LARGE1: variants seen among roughly 807,000 people sequenced by gnomAD.
The protein encoded by LARGE1 is LARGE xylosyl- and glucuronyltransferase 1.
LARGE1 carries 43 observed loss-of-function variants against 87.6 expected under a neutral mutation model. The observed-to-expected ratio is 0.49, with a 90% CI of 0.38 to 0.63. LARGE1 has a LOEUF of 0.63. LARGE1 is among the 30% of genes least tolerant of loss of function. The probability of loss-of-function intolerance (pLI) is 0.00; values close to 1 mark genes in which losing one functional copy is unlikely to be tolerated. For missense variants in LARGE1, 802 were observed against 1,000.2 expected, an observed-to-expected ratio of 0.80 and a Z score of 2.67; for synonymous variants, 434 against 394.6, an observed-to-expected ratio of 1.10 and a Z score of -1.18.
At chr22:33,821,952 GTTTTTT>G in intron 1 of LARGE1, among the ~76,000 whole-genome samples, 1 of 137,696 alleles carries the variant, frequency 7.3e-6, no homozygotes, top group East Asian at 2.1e-4. Context: ...ACTTTTTTAG[GTTTTTT>G]TTTTTTTTTT....
intron 1 of LARGE1, among the ~76,000 whole-genome samples, chr22:33,819,293 T>C: frequency 6.6e-6 from 1 of 152,158 alleles, no homozygotes; most frequent in East Asian, 1.9e-4. Context: ...GCTAATATTC[T>C]ACAAAGTTCA....
At chr22:33,552,274 T>C (rs920326023) in intron 6 of LARGE1, among the ~76,000 whole-genome samples, 15 of 152,286 alleles carry the variant, frequency 9.8e-5, no homozygotes, top group African/African-American at 3.6e-4. Context: ...TATTTCTTCC[T>C]GATATTCTCA....
chr22:33,751,196 T>G (rs879614332), intron 2 of LARGE1, among the ~76,000 whole-genome samples: 11 of 152,144 alleles, frequency 7.2e-5, no homozygotes, highest in Non-Finnish European at 1.5e-4. Context: ...AAATTAAAAT[T>G]AAGGCTGGGC....
At chr22:33,558,971 C>G (rs1366531434) in intron 6 of LARGE1, among the ~76,000 whole-genome samples, 1 of 152,220 alleles carries the variant, frequency 6.6e-6, no homozygotes, top group African/African-American at 2.4e-5. Flanking sequence ...ACAATTCTCA[C>G]AAAGACCCCG....
chr22:33,410,857 A>G (rs2066284066), intron 7 of LARGE1, among the ~76,000 whole-genome samples: 1 of 152,110 alleles, frequency 6.6e-6, no homozygotes, highest in African/African-American at 2.4e-5. Context: ...GTAGAATGGG[A>G]ATTATATGAG....
chr22:33,826,678 G>C (rs972371420), intron 1 of LARGE1, among the ~76,000 whole-genome samples: 1 of 151,966 alleles, frequency 6.6e-6, no homozygotes, highest in Non-Finnish European at 1.5e-5. Context: ...ATTGCCTTTA[G>C]TACCCACCTG....
At chr22:33,821,627 A>T (rs1222733447) in intron 1 of LARGE1, among the ~76,000 whole-genome samples, 2 of 152,202 alleles carry the variant, frequency 1.3e-5, no homozygotes, top group Non-Finnish European at 2.9e-5. Flanking sequence ...AGTGGAGGTA[A>T]CAGGCAAGTC....
At chr22:33,110,022 G>A in the LARGE1 span, among the ~76,000 whole-genome samples, 1 of 152,204 alleles carries the variant, frequency 6.6e-6, no homozygotes, top group Non-Finnish European at 1.5e-5. Context: ...GCAATGCAAA[G>A]TGAACTAACA....
At chr22:33,271,495 TC>T (rs1351346840), downstream of LARGE1, among the ~76,000 whole-genome samples, 1 of 152,198 alleles carries the variant, frequency 6.6e-6, no homozygotes, top group East Asian at 1.9e-4. Context: ...TCAGTTCCCC[TC>T]CACACTGACT....
intron 7 of LARGE1, among the ~76,000 whole-genome samples, chr22:33,419,850 C>T (rs1288774376): frequency 1.3e-5 from 2 of 152,158 alleles, no homozygotes; most frequent in Non-Finnish European, 2.9e-5. Context: ...ACCACCATCA[C>T]ACCCAGCTAA....
At chr22:33,465,796 G>A (rs952532131) in intron 6 of LARGE1, among the ~76,000 whole-genome samples, 2 of 152,216 alleles carry the variant, frequency 1.3e-5, no homozygotes, top group Non-Finnish European at 1.5e-5. Flanking sequence ...TCCTCCTAGT[G>A]TGGCTCACAA....
chr22:33,789,507 T>G lies in LARGE1; in HGVS notation c.-82-27949A>C, dbSNP rs538016688. Among the ~76,000 whole-genome samples, 4 of 152,252 alleles carry G rather than the reference T, an allele frequency of 2.6e-5. No homozygotes were observed. In the South Asian group the frequency reaches 8.3e-4, roughly 32 times the overall value. ...CTGTGAGAAGAGGGCCACTGTCCTT[T>G]AGACCCTAGAATGGTAGATCCAGCA... On this transcript the variant is annotated intron_variant, in intron 1 of 14. Transcript: ENST00000397394.
At chr22:33,295,718 G>A (rs967643864) in intron 12 of LARGE1, among the ~76,000 whole-genome samples, 1 of 152,194 alleles carries the variant, frequency 6.6e-6, no homozygotes. Flanking sequence ...TGGCTTCCAG[G>A]AGCTTTGTGG....
intron 6 of LARGE1, among the ~76,000 whole-genome samples, chr22:33,499,344 A>G (rs1212744778): frequency 6.6e-6 from 1 of 152,214 alleles, no homozygotes; most frequent in Non-Finnish European, 1.5e-5. Context: ...TGTTCAAAGT[A>G]TGGGCCCTGT....
At chr22:33,201,746 G>A (rs1924407052) in intron 11 of LARGE1, among the ~76,000 whole-genome samples, 1 of 152,178 alleles carries the variant, frequency 6.6e-6, no homozygotes, top group African/African-American at 2.4e-5. Flanking sequence ...GTTGGGTCTT[G>A]TAGGTCATCA....
intron 4 of LARGE1, among the ~76,000 whole-genome samples, chr22:33,604,968 C>A (rs140189323): frequency 6.6e-6 from 1 of 151,728 alleles, no homozygotes; most frequent in Non-Finnish European, 1.5e-5. Flanking sequence ...TGGCTGCAGG[C>A]GGCTGGCAAG....
intron 1 of LARGE1, among the ~76,000 whole-genome samples, chr22:33,859,345 G>A (rs994429322): frequency 2.6e-5 from 4 of 152,148 alleles, no homozygotes; most frequent in East Asian, 3.8e-4. Context: ...CGAGCTTTGG[G>A]AAAAGGTAGA....
At chr22:33,332,057 C>T (rs1433323421) in intron 10 of LARGE1, among the ~76,000 whole-genome samples, 1 of 152,130 alleles carries the variant, frequency 6.6e-6, no homozygotes, top group Non-Finnish European at 1.5e-5. Context: ...GAGCTTTAAT[C>T]TGCAATGCTG....
chr22:33,530,305 T>C (rs1041502809), intron 6 of LARGE1, among the ~76,000 whole-genome samples: 18 of 152,320 alleles, frequency 1.2e-4, no homozygotes, highest in African/African-American at 4.1e-4. Context: ...GGAAACACTC[T>C]CTACCTCCTT....
Sources: gnomAD v4.1 joint callset for allele counts (sites outside exome capture counted in the v4.1 genomes callset) on GRCh38, gnomAD v4.1.1 for gene constraint, MANE v1.5 for transcripts, NCBI Gene and HGNC (gene_info 2026-07-23, HGNC 2026-07-21) for gene names.